The following CABIN1 variants were observed in gnomAD, a reference collection of about 807,000 sequenced individuals.
CABIN1 encodes calcineurin-binding protein cabin-1.
CABIN1 carries 133 observed loss-of-function variants against 227.7 expected under a neutral mutation model. The ratio of observed to expected loss-of-function variants is 0.58; its 90% CI spans 0.51 to 0.67. CABIN1 has a LOEUF of 0.67. Ranked by LOEUF, CABIN1 falls within the 30% of genes least tolerant of loss-of-function variation. CABIN1 has a pLI of 0.00. For synonymous variants in CABIN1, 1,086 were observed against 1,155.1 expected, an observed-to-expected ratio of 0.94 and a Z score of 1.21; for missense variants, 2,408 against 2,852.5, an observed-to-expected ratio of 0.84 and a Z score of 3.55.
intron 6 of CABIN1, among the ~76,000 whole-genome samples, chr22:24,046,610 G>T (rs2037903866): frequency 6.6e-6 from 1 of 152,158 alleles, no homozygotes; most frequent in Non-Finnish European, 1.5e-5. Flanking sequence ...GAAGATTTAG[G>T]TTGGAGTATT....
At chr22:24,045,038 G>C (rs2037740811) in intron 6 of CABIN1, among the ~76,000 whole-genome samples, 2 of 151,638 alleles carry the variant, frequency 1.3e-5, no homozygotes, top group Non-Finnish European at 2.9e-5. Context: ...TCCCGCCTCA[G>C]CCTCCAAAGT....
At chr22:24,041,031 C>T in intron 4 of CABIN1, 108 bp from the exon 5 acceptor site, 1 of 1,335,526 alleles carries the variant, frequency 7.5e-7, no homozygotes, top group Non-Finnish European at 1.1e-6. Context: ...CAACACTAGA[C>T]TGGCTCAAGG....
intron 28 of CABIN1, 29 bp from the exon 29 acceptor site, chr22:24,134,273 C>A: frequency 6.3e-7 from 1 of 1,577,704 alleles, no homozygotes; most frequent in East Asian, 2.3e-5. Flanking sequence ...CCCACACACT[C>A]ACTTTCAACC....
chr22:24,110,851 ATG>A (rs777093279), intron 26 of CABIN1, among the ~76,000 whole-genome samples: 1 of 139,060 alleles, frequency 7.2e-6, no homozygotes, highest in Non-Finnish European at 1.5e-5. Flanking sequence ...CAGTTTCAAA[ATG>A]GCCCACCTAG....
intron 33 of CABIN1, among the ~76,000 whole-genome samples, chr22:24,169,664 A>C (rs1456068912): frequency 6.6e-6 from 1 of 152,194 alleles, no homozygotes; most frequent in Admixed American, 6.5e-5. Context: ...GCGCAGGCCC[A>C]GGCCCAGGTC....
chr22:24,092,018 A>G (rs1043334538), intron 24 of CABIN1, 175 bp downstream of exon 24: 14 of 741,906 alleles, frequency 1.9e-5, no homozygotes, highest in Non-Finnish European at 2.8e-5. Flanking sequence ...CTCTTTTCCC[A>G]AGGGGTGTTT....
rs117202464 is a variant in CABIN1 at position 24,163,349 on chromosome 22, C to T, written c.4747-1051C>T. 2.0e-4 allele frequency among the ~76,000 whole-genome samples: 30 copies of T among 152,240 alleles called. No individual in the cohort carries two copies. In the East Asian group the frequency reaches 5.8e-3, roughly 29 times the overall value. ...AGCAGGGTGGGCCCACACCTGTGTACAGATACTGTGGATAATCAGCAAGGA... is the reference window on the plus strand; with the variant it reads ...AGCAGGGTGGGCCCACACCTGTGTATAGATACTGTGGATAATCAGCAAGGA... On this transcript the variant is annotated intron_variant, in intron 29 of 36. Coordinates refer to ENST00000263119, the MANE Select transcript of CABIN1 (RefSeq NM_012295.4).
At chr22:24,043,879 T>A (rs1218451024) in intron 6 of CABIN1, among the ~76,000 whole-genome samples, 2 of 152,182 alleles carry the variant, frequency 1.3e-5, no homozygotes. Flanking sequence ...TTAATGTGCT[T>A]CCAAAATATA....
chr22:24,065,941 C>T (rs972471793), intron 15 of CABIN1, among the ~76,000 whole-genome samples: 14 of 152,138 alleles, frequency 9.2e-5, no homozygotes, highest in Non-Finnish European at 1.6e-4. Context: ...TGCAGTGAGC[C>T]GAGATGGCAG....
chr22:24,174,352 C>G (rs1173931742), intron 34 of CABIN1, among the ~76,000 whole-genome samples: 1 of 152,140 alleles, frequency 6.6e-6, no homozygotes, highest in Non-Finnish European at 1.5e-5. Flanking sequence ...TGGTCTTAAA[C>G]TCCTGGGCTC....
chr22:24,124,475 C>A (rs1448954148), intron 28 of CABIN1, among the ~76,000 whole-genome samples: 1 of 152,238 alleles, frequency 6.6e-6, no homozygotes, highest in South Asian at 2.1e-4. Context: ...CAGGCTGCCC[C>A]TGGACCCCCC....
rs2038672024 is a variant in CABIN1 at position 24,054,997 on chromosome 22, G to T, written c.931G>T (p.Glu311Ter). The T allele has an allele frequency of 2.5e-6, 4 of 1,614,238 alleles. No individual in the cohort carries two copies. Among genetic ancestry groups the T allele is most frequent in the Non-Finnish European group, 3.4e-6 (4 of 1,180,042 alleles). ...CTACCAGGACCCCAGCCAGCCTCTT[G>T]AGTCCTCCATGGTGGTGACGCCAGT... Reference protein sequence around the residue: ...SDYQDPSQPLESSMVVTPVNV... With the variant: ...SDYQDPSQPL The change falls in exon 9 of 37, where the codon GAG becomes TAG. Residue 311 changes from glutamate (E) to a stop codon, truncating the protein, a stop_gained. Transcript: ENST00000263119. LOFTEE classifies it high-confidence loss of function.
intron 1 of CABIN1, among the ~76,000 whole-genome samples, chr22:24,031,770 C>T (rs1310002207): frequency 1.3e-5 from 2 of 152,128 alleles, no homozygotes; most frequent in African/African-American, 4.8e-5. Flanking sequence ...CATAGCTGGC[C>T]CCTGGGGCTA....
intron 1 of CABIN1, among the ~76,000 whole-genome samples, chr22:24,023,155 T>C (rs2146620926): frequency 6.6e-6 from 1 of 152,366 alleles, no homozygotes; most frequent in South Asian, 2.1e-4. Flanking sequence ...ATTTGTACTT[T>C]TGTATATGGC....
rs2042578947 is a variant in CABIN1, at chr22:24,107,459, T to C, written c.4118-6107T>C. 2.0e-5 allele frequency among the ~76,000 whole-genome samples: 3 copies of C among 152,150 alleles called. No individual in the cohort carries two copies. The South Asian group carries it at 6.2e-4, about 31-fold the overall frequency. On this transcript the variant is annotated intron_variant, in intron 26 of 36. Transcript: ENST00000263119. Reference sequence around the variant, plus strand: ...TCAGCAGCCTTTTGTCCCTGCCAGGTCCCTTGGCTTGTGCTTGCCCTGTTC... The same window carrying C: ...TCAGCAGCCTTTTGTCCCTGCCAGGCCCCTTGGCTTGTGCTTGCCCTGTTC...
intron 26 of CABIN1, among the ~76,000 whole-genome samples, chr22:24,099,102 A>G (rs1322255893): frequency 6.6e-6 from 1 of 152,168 alleles, no homozygotes; most frequent in Non-Finnish European, 1.5e-5. Flanking sequence ...CTAGGGCACC[A>G]TGGTAGCCTT....
intron 29 of CABIN1, 123 bp downstream of exon 29, chr22:24,134,538 G>T: frequency 1.3e-6 from 1 of 756,882 alleles, no homozygotes; most frequent in Admixed American, 2.0e-5. Context: ...TCCTCAGAGG[G>T]CAGGCAGGGT....
chr22:24,024,212 T>C (rs182143647), intron 1 of CABIN1, among the ~76,000 whole-genome samples: 5 of 152,304 alleles, frequency 3.3e-5, no homozygotes, highest in East Asian at 1.9e-4. Context: ...TTTTTTATTA[T>C]ACTTTAAGTT....
At chr22:24,041,623 A>G (rs898466426) in intron 5 of CABIN1, among the ~76,000 whole-genome samples, 1 of 152,256 alleles carries the variant, frequency 6.6e-6, no homozygotes. Context: ...TGAAAGTTAA[A>G]TGAGTTGGTA....
Sources: allele counts gnomAD v4.1 joint callset (sites outside exome capture counted in the v4.1 genomes callset), GRCh38; gene constraint gnomAD v4.1.1; transcripts MANE v1.5; gene names NCBI Gene and HGNC (gene_info 2026-07-23, HGNC 2026-07-21).